Variants in NFAM1 observed in about 807,000 individuals in gnomAD.
NFAM1 encodes the protein NFAT activation molecule 1.
A neutral mutation model predicts 29.0 loss-of-function variants in NFAM1; 17 were observed. That is an observed-to-expected ratio of 0.59 (90% confidence interval 0.40 to 0.88). The LOEUF (loss-of-function observed/expected upper bound fraction) is 0.88, where lower values mean the gene tolerates loss of function less well. Ranked by LOEUF, NFAM1 falls within the 40% of genes least tolerant of loss-of-function variation. The pLI, the probability that NFAM1 is intolerant of heterozygous loss-of-function variation, is 0.00. For synonymous variants in NFAM1, 175 were observed against 147.2 expected (o/e 1.19, Z -1.36); for missense variants, 324 against 344.6 (o/e 0.94, Z 0.47).
At chr22:42,399,969 C>T (rs1818170414) in intron 3 of NFAM1, among the ~76,000 whole-genome samples, 1 of 152,240 alleles carries the variant, frequency 6.6e-6, no homozygotes, top group African/African-American at 2.4e-5. Flanking sequence ...TTCTCAACAC[C>T]TGACCTGCCT....
chr22:42,412,474 A>T (rs1215607453), intron 1 of NFAM1, among the ~76,000 whole-genome samples: 1 of 152,206 alleles, frequency 6.6e-6, no homozygotes. Context: ...TAGAGAGTGG[A>T]GCTACAACCC....
intron 1 of NFAM1, among the ~76,000 whole-genome samples, chr22:42,424,232 G>A (rs187045832): frequency 4.3e-4 from 66 of 152,208 alleles, no homozygotes; most frequent in South Asian, 1.2e-3. Context: ...TGGCTAACAC[G>A]GTGAAACCCC....
intron 4 of NFAM1, 87 bp from the exon 5 acceptor site, chr22:42,387,165 AC>A: frequency 5.5e-6 from 4 of 730,014 alleles, no homozygotes; most frequent in Non-Finnish European, 6.6e-6. Context: ...CCTGTTACAC[AC>A]CCCACCGTGG....
intron 3 of NFAM1, among the ~76,000 whole-genome samples, chr22:42,399,446 CAAAAAAAAAA>C (rs71311432): frequency 1.5e-5 from 1 of 66,934 alleles, no homozygotes; most frequent in Non-Finnish European, 2.7e-5. Context: ...GATCCCATCT[CAAAAAAAAAA>C]AAAAAAAGAA....
chr22:42,409,545 C>T lies in NFAM1; in HGVS notation c.454G>A (p.Ala152Thr), dbSNP rs142903439. Reference protein sequence around the residue: ...GSGTFILVRDAGYREPPQSPQ... With the variant: ...GSGTFILVRDTGYREPPQSPQ... ...CTCTGCGGGGGCTCTCGGTACCCTG[C>T]GTCTAGGAGGAAGCGCAGGGGAGCA... Residue 152 changes from alanine (A) to threonine (T), a missense_variant and splice_region_variant, in exon 3 of 6, where the codon GCA becomes ACA. By Grantham distance (58) the Ala-to-Thr change is moderately conservative (BLOSUM62 0). Coordinates refer to ENST00000329021, the MANE Select transcript of NFAM1 (RefSeq NM_145912.8). The surrounding 1 kb of genome is among the most constrained non-coding windows in gnomAD (Gnocchi z 4.9). 1.7e-5 allele frequency: 25 copies of T among 1,493,328 alleles called. No homozygotes were observed. In the African/African-American group the frequency reaches 2.7e-4, roughly 16 times the overall value. The allele number at this position is 1,493,328 out of a possible 1,614,324, so 92.5% of individuals were successfully genotyped here.
chr22:42,423,406 C>T (rs1366391625), intron 1 of NFAM1, among the ~76,000 whole-genome samples: 1 of 152,068 alleles, frequency 6.6e-6, no homozygotes, highest in Non-Finnish European at 1.5e-5. Flanking sequence ...TTTAGGTACC[C>T]CTACCACCTC....
intron 1 of NFAM1, among the ~76,000 whole-genome samples, chr22:42,428,408 C>T (rs562402076): frequency 1.3e-3 from 197 of 152,258 alleles, no homozygotes; most frequent in African/African-American, 4.6e-3. Flanking sequence ...AGGTCTCAGC[C>T]GGGAGCAGGC....
intron 1 of NFAM1, among the ~76,000 whole-genome samples, chr22:42,426,614 C>T (rs1408921586): frequency 2.6e-5 from 4 of 152,196 alleles, no homozygotes; most frequent in Non-Finnish European, 5.9e-5. Flanking sequence ...TTGGCAAAGG[C>T]GCCATCAGGG....
rs1404671013 is a variant in NFAM1, at chr22:42,381,764, T to A, written c.*3397A>T. 1 of 153,426 alleles carries A rather than the reference T, an allele frequency of 6.5e-6. No homozygotes were observed. 9.5% of individuals were successfully genotyped at this position (153,426 alleles called of 1,614,324 possible). On this transcript the variant is annotated 3_prime_UTR_variant, in exon 6 of 6. Transcript: ENST00000329021. ...CCAGGCCCATTCATTCAGCTCCTGC[T>A]AAGCCAGCACCCTCCTTCCCTCACC...
chr22:42,435,413 T>G (rs1185170737), upstream of NFAM1, among the ~76,000 whole-genome samples: 1 of 151,686 alleles, frequency 6.6e-6, no homozygotes, highest in Admixed American at 6.6e-5. Context: ...AATGGCGCGA[T>G]CTCGGCTCAC....
intron 1 of NFAM1, among the ~76,000 whole-genome samples, chr22:42,429,894 G>A (rs1930739216): frequency 6.6e-6 from 1 of 152,204 alleles, no homozygotes; most frequent in African/African-American, 2.4e-5. Context: ...AACCCTCAAA[G>A]CTCTGAGACG....
At chr22:42,411,978 A>G (rs1016444478) in intron 1 of NFAM1, among the ~76,000 whole-genome samples, 4 of 152,092 alleles carry the variant, frequency 2.6e-5, no homozygotes, top group Admixed American at 2.6e-4. Flanking sequence ...TATGCCCATA[A>G]CCCCAGCACT....
Position 42,388,017 on chromosome 22 carries a change from T to C in NFAM1, c.664-939A>G, listed in dbSNP as rs1250724951. 2.0e-5 allele frequency among the ~76,000 whole-genome samples: 3 copies of C among 152,212 alleles called. No homozygotes were observed. The East Asian group carries it at 5.8e-4, about 29-fold the overall frequency. ...GCCTAGTCTATCTCTGGGTTTCTGA[T>C]TCTACAGCTGTGCTTGGCACAAAGG... On this transcript the variant is annotated intron_variant, in intron 4 of 5. Coordinates refer to ENST00000329021, the MANE Select transcript of NFAM1 (RefSeq NM_145912.8). This position sits in a 1 kb window ranked among gnomAD's most constrained non-coding sequence, Gnocchi z 4.1.
At chr22:42,406,673 T>A (rs991587604) in intron 3 of NFAM1, among the ~76,000 whole-genome samples, 1 of 152,218 alleles carries the variant, frequency 6.6e-6, no homozygotes, top group Non-Finnish European at 1.5e-5. Context: ...TTTCCCCCAA[T>A]AATTATCCCA....
the NFAM1 span, chr22:42,437,952 T>G: frequency 6.6e-6 from 1 of 152,138 alleles, no homozygotes; most frequent in Non-Finnish European, 1.5e-5. Flanking sequence ...TTTCCCCTCG[T>G]GCTGTTTCTG....
At chr22:42,386,391 A>AC (rs1491151780) in intron 5 of NFAM1, among the ~76,000 whole-genome samples, 19 of 87,712 alleles carry the variant, frequency 2.2e-4, no homozygotes, top group African/African-American at 8.9e-4. Flanking sequence ...AAACAAAAAC[A>AC]AACAAACACA....
At chr22:42,432,078 G>C (rs931644549) in intron 1 of NFAM1, among the ~76,000 whole-genome samples, 159 bp downstream of exon 1, 10 of 152,212 alleles carry the variant, frequency 6.6e-5, no homozygotes, top group Admixed American at 6.5e-4. Flanking sequence ...ACATCTTCTC[G>C]GTCCCAGAAG....
intron 4 of NFAM1, 92 bp from the exon 5 acceptor site, chr22:42,387,170 A>G: frequency 1.4e-6 from 1 of 691,314 alleles, no homozygotes; most frequent in African/African-American, 1.9e-5. Context: ...TACACACCCC[A>G]CCGTGGGAGC....
intron 1 of NFAM1, among the ~76,000 whole-genome samples, chr22:42,414,279 C>A (rs1268582322): frequency 6.6e-6 from 1 of 152,146 alleles, no homozygotes; most frequent in Non-Finnish European, 1.5e-5. Context: ...GGATTTTACC[C>A]TGGACTTTGT....
Sources: allele counts gnomAD v4.1 joint callset (sites outside exome capture counted in the v4.1 genomes callset), GRCh38; gene constraint gnomAD v4.1.1; non-coding constraint Gnocchi (gnomAD v3.1); transcripts MANE v1.5; gene names NCBI Gene and HGNC (gene_info 2026-07-23, HGNC 2026-07-21).